SMIM31: variants seen among roughly 807,000 people sequenced by gnomAD.
SMIM31 encodes the protein human epithelial cell program regulator.
At chr4:164,797,062 A>G (rs947352658) in intron 2 of SMIM31, among the ~76,000 whole-genome samples, 6 of 152,134 alleles carry the variant, frequency 3.9e-5, no homozygotes, top group African/African-American at 1.4e-4. Flanking sequence ...GGCTGCTGTC[A>G]TTGCTTGGAC....
intron 2 of SMIM31, among the ~76,000 whole-genome samples, chr4:164,791,489 C>T (rs1030329849): frequency 1.1e-4 from 16 of 152,110 alleles, no homozygotes; most frequent in African/African-American, 3.9e-4. Flanking sequence ...CACACCACCA[C>T]ACCCAGCTAA....
intron 2 of SMIM31, among the ~76,000 whole-genome samples, chr4:164,782,045 C>A (rs1732956936): frequency 6.6e-6 from 1 of 152,094 alleles, no homozygotes; most frequent in Admixed American, 6.6e-5. Flanking sequence ...AATCCCAGCA[C>A]TTTGGGAGGT....
chr4:164,767,650 A>G (rs1732736724), intron 1 of SMIM31, among the ~76,000 whole-genome samples: 1 of 152,332 alleles, frequency 6.6e-6, no homozygotes, highest in East Asian at 1.9e-4. Context: ...AGGCATCAGA[A>G]GCATCATCTT....
At chr4:164,777,863 T>A (rs1385022697) in intron 2 of SMIM31, among the ~76,000 whole-genome samples, 2 of 152,244 alleles carry the variant, frequency 1.3e-5, no homozygotes, top group Admixed American at 1.3e-4. Context: ...GTCTTAGGTT[T>A]TAAAACTTGA....
intron 2 of SMIM31, among the ~76,000 whole-genome samples, chr4:164,780,155 C>T (rs369199876): frequency 6.6e-6 from 1 of 152,122 alleles, no homozygotes; most frequent in Admixed American, 6.5e-5. Flanking sequence ...TGGCCGGGCG[C>T]GGTGGCTCAC....
intron 2 of SMIM31, among the ~76,000 whole-genome samples, chr4:164,790,660 C>T (rs191596609): frequency 2.0e-5 from 3 of 152,070 alleles, no homozygotes; most frequent in South Asian, 2.1e-4. Context: ...CTTTACCAAA[C>T]CTTTACAATA....
intron 1 of SMIM31, among the ~76,000 whole-genome samples, chr4:164,760,756 A>T (rs2110919726): frequency 6.6e-6 from 1 of 151,598 alleles, no homozygotes; most frequent in African/African-American, 2.4e-5. Flanking sequence ...AAAAAAAAAA[A>T]AAAAAGATAA....
chr4:164,758,830 TTTTTTTTTTTTG>T (rs1732606852), intron 1 of SMIM31, among the ~76,000 whole-genome samples: 1 of 106,048 alleles, frequency 9.4e-6, no homozygotes, highest in Non-Finnish European at 1.9e-5. Flanking sequence ...TTTTTTTTTT[TTTTTTTTTTTTG>T]TATTTTTAGT....
At chr4:164,773,860 G>T (rs191065417) in intron 2 of SMIM31, among the ~76,000 whole-genome samples, 1 of 152,254 alleles carries the variant, frequency 6.6e-6, no homozygotes, top group African/African-American at 2.4e-5. Flanking sequence ...TAGAAATTTA[G>T]ATAGAGCAAT....
intron 1 of SMIM31, among the ~76,000 whole-genome samples, chr4:164,764,812 A>T (rs1160545463): frequency 6.6e-6 from 1 of 152,188 alleles, no homozygotes; most frequent in Non-Finnish European, 1.5e-5. Context: ...CAAATATTTG[A>T]GGATCCCTCT....
chr4:164,759,484 T>C (rs1012321836), intron 1 of SMIM31, among the ~76,000 whole-genome samples: 1 of 152,184 alleles, frequency 6.6e-6, no homozygotes, highest in Non-Finnish European at 1.5e-5. Context: ...ATGTCAAAAA[T>C]ACAAAAACTA....
intron 2 of SMIM31, among the ~76,000 whole-genome samples, chr4:164,793,529 T>G (rs1417036926): frequency 6.6e-6 from 1 of 152,188 alleles, no homozygotes; most frequent in Non-Finnish European, 1.5e-5. Flanking sequence ...AAGTCCAAGA[T>G]CAAGGTACTG....
intron 1 of SMIM31, among the ~76,000 whole-genome samples, chr4:164,755,047 A>C (rs979945484): frequency 2.1e-5 from 3 of 145,264 alleles, no homozygotes; most frequent in African/African-American, 5.1e-5. Flanking sequence ...ATAATTATTT[A>C]ACTACATCCC....
Position 164,801,308 on chromosome 4 carries a change from T to G in SMIM31, c.*114T>G. On this transcript the variant is annotated 3_prime_UTR_variant, in exon 3 of 3. Transcript: ENST00000507311. ...AATGAAGAAAGTTAAAATCACTTAC[T>G]GATTAAACACGATGATAATAACCAT... 1 of 395,784 alleles carries G rather than the reference T, an allele frequency of 2.5e-6. No homozygotes were observed. Among genetic ancestry groups the G allele is most frequent in the Non-Finnish European group, 4.5e-6 (1 of 224,562 alleles). The allele number at this position is 395,784 out of a possible 1,614,324, so 24.5% of individuals were successfully genotyped here.
intron 2 of SMIM31, among the ~76,000 whole-genome samples, chr4:164,783,829 AT>A (rs1732992860): frequency 6.6e-6 from 1 of 151,556 alleles, no homozygotes; most frequent in Admixed American, 6.6e-5. Flanking sequence ...AAATAAAATA[AT>A]TAATTTTTTG....
At chr4:164,773,029 TAA>T (rs56863708) in intron 2 of SMIM31, among the ~76,000 whole-genome samples, 15,561 of 76,660 alleles carry the variant, frequency 0.2, 1,868 homozygotes, top group East Asian at 0.38. Context: ...CACTTGGCTT[TAA>T]AAAAAAAAAA....
At chr4:164,768,089 G>A (rs114546339) in intron 1 of SMIM31, among the ~76,000 whole-genome samples, 1,569 of 151,802 alleles carry the variant, frequency 0.01, 28 homozygotes, top group African/African-American at 0.035. Context: ...CAAAAAATTC[G>A]CTGGGCGTAA....
chr4:164,789,951 G>C (rs1579072604), intron 2 of SMIM31, among the ~76,000 whole-genome samples: 2 of 152,160 alleles, frequency 1.3e-5, no homozygotes, highest in Admixed American at 6.5e-5. Context: ...TGGAAATCTA[G>C]TTATACGTAG....
chr4:164,797,465 C>CTTTT lies in SMIM31; in HGVS notation c.113-3613_113-3610dup, dbSNP rs70952643. Among the ~76,000 whole-genome samples the CTTTT allele has an allele frequency of 4.1e-3, 543 of 131,310 alleles. 15 individuals are homozygous for CTTTT. The highest frequency in any genetic ancestry group is 0.014 in the African/African-American group (487 of 34,574). 86.1% of individuals were successfully genotyped at this position (131,310 alleles called of 152,430 possible). On this transcript the variant is annotated intron_variant, in intron 2 of 2. Transcript: ENST00000507311. ...AGAGAGTAAAGTGCAGATTTCTTTT[C>CTTTT]TTTTTTTTTTTTTTTTGAGACAGAG... is the stretch of plus-strand genomic sequence containing the variant.
Sources: allele counts gnomAD v4.1 joint callset (sites outside exome capture counted in the v4.1 genomes callset), GRCh38; gene constraint gnomAD v4.1.1; transcripts MANE v1.5; gene names NCBI Gene and HGNC (gene_info 2026-07-23, HGNC 2026-07-21).